Variants in EYA2 observed in about 807,000 individuals in gnomAD.
EYA2 encodes the protein EYA transcriptional coactivator and phosphatase 2, also known as protein phosphatase EYA2.
A neutral mutation model predicts 69.2 loss-of-function variants in EYA2; 31 were observed. The ratio of observed to expected loss-of-function variants is 0.45; its 90% CI spans 0.34 to 0.60. The LOEUF (loss-of-function observed/expected upper bound fraction) is 0.60, where lower values mean the gene tolerates loss of function less well. Ranked by LOEUF, EYA2 falls within the 20% of genes least tolerant of loss-of-function variation. The pLI is 0.02. For missense variants in EYA2, 622 were observed against 701.2 expected (o/e 0.89, Z 1.28); for synonymous variants, 257 against 279.4 (o/e 0.92, Z 0.80).
chr20:47,047,396 C>CTCTTTTTTTTT (rs1555816932), intron 5 of EYA2, among the ~76,000 whole-genome samples: 1 of 148,164 alleles, frequency 6.7e-6, no homozygotes, highest in Non-Finnish European at 1.5e-5. Context: ...CTCTCTCTCT[C>CTCTTTTTTTTT]TTTTTTTTGA....
intron 1 of EYA2, among the ~76,000 whole-genome samples, chr20:46,965,175 G>A (rs1600587965): frequency 1.3e-5 from 2 of 152,254 alleles, no homozygotes; most frequent in Admixed American, 6.5e-5. Flanking sequence ...AACTGAGCCC[G>A]ACCTTGGTGA....
chr20:46,911,875 C>T (rs559861967), intron 1 of EYA2, among the ~76,000 whole-genome samples: 31 of 147,904 alleles, frequency 2.1e-4, no homozygotes, highest in Non-Finnish European at 2.9e-4. Flanking sequence ...TTCAAAAGCA[C>T]AGTAGGGTGA....
chr20:47,134,145 G>A (rs1421723706), intron 9 of EYA2, among the ~76,000 whole-genome samples: 3 of 152,176 alleles, frequency 2.0e-5, no homozygotes, highest in African/African-American at 7.2e-5. Context: ...CAGCTAAATG[G>A]CTCTTCCCAA....
chr20:46,977,317 T>C (rs16992158), intron 1 of EYA2, among the ~76,000 whole-genome samples: 1,546 of 152,374 alleles, frequency 0.01, 19 homozygotes, highest in African/African-American at 0.035. Flanking sequence ...GTAACCAAAA[T>C]TCTATTTTAA....
intron 8 of EYA2, among the ~76,000 whole-genome samples, chr20:47,094,134 T>G (rs1350428981): frequency 6.6e-6 from 1 of 152,250 alleles, no homozygotes; most frequent in East Asian, 1.9e-4. Flanking sequence ...TCGAGGATGG[T>G]GAGGTAGTAG....
chr20:47,049,383 A>G (rs1260219900), intron 5 of EYA2, among the ~76,000 whole-genome samples: 2 of 152,172 alleles, frequency 1.3e-5, no homozygotes. Context: ...GGTCCCTGAT[A>G]TGGTTTGGGT....
At chr20:46,950,785 CA>C (rs1978748670) in intron 1 of EYA2, among the ~76,000 whole-genome samples, 1 of 152,142 alleles carries the variant, frequency 6.6e-6, no homozygotes. Flanking sequence ...TGTGGGTTCC[CA>C]AGAAGCTGAC....
At chr20:46,912,675 G>T (rs965142138) in intron 1 of EYA2, among the ~76,000 whole-genome samples, 41 of 147,052 alleles carry the variant, frequency 2.8e-4, no homozygotes, top group Admixed American at 2.4e-3. Flanking sequence ...GAACAGGGAA[G>T]AGGAATTTTT....
intron 5 of EYA2, among the ~76,000 whole-genome samples, chr20:47,030,971 C>T (rs1216699170): frequency 6.6e-6 from 1 of 151,536 alleles, no homozygotes; most frequent in Non-Finnish European, 1.5e-5. Flanking sequence ...CTCATTTAAT[C>T]TTCATTACTA....
chr20:47,013,660 T>C (rs1288149783), intron 4 of EYA2, among the ~76,000 whole-genome samples: 1 of 152,192 alleles, frequency 6.6e-6, no homozygotes, highest in Non-Finnish European at 1.5e-5. Context: ...AGCATATGGC[T>C]TGGGCAGAGG....
At chr20:46,961,421 G>A (rs935014501) in intron 1 of EYA2, among the ~76,000 whole-genome samples, 5 of 152,210 alleles carry the variant, frequency 3.3e-5, no homozygotes, top group African/African-American at 1.2e-4. Flanking sequence ...CACCCTGTTG[G>A]TGGGAATGTA....
chr20:47,038,963 A>G (rs1984876319), intron 5 of EYA2, among the ~76,000 whole-genome samples: 1 of 152,130 alleles, frequency 6.6e-6, no homozygotes, highest in Non-Finnish European at 1.5e-5. Flanking sequence ...GCCTTAGGAG[A>G]TGAACTTAGC....
intron 9 of EYA2, among the ~76,000 whole-genome samples, chr20:47,136,981 T>G (rs189870841): frequency 0.017 from 2,595 of 152,092 alleles, 107 homozygotes; most frequent in East Asian, 0.16. Context: ...TACCTTCGCC[T>G]CAAGAGAACC....
chr20:47,008,874 C>G (rs937293226), intron 4 of EYA2, among the ~76,000 whole-genome samples: 3 of 151,350 alleles, frequency 2.0e-5, no homozygotes, highest in African/African-American at 7.3e-5. Flanking sequence ...TAAATGAGAT[C>G]ATCTACACCA....
intron 5 of EYA2, among the ~76,000 whole-genome samples, chr20:47,031,080 A>G (rs1277914988): frequency 6.6e-6 from 1 of 152,216 alleles, no homozygotes; most frequent in Non-Finnish European, 1.5e-5. Context: ...CGCAGTGGGT[A>G]AGGAAATGAG....
chr20:47,171,467 A>G (rs991789727), intron 11 of EYA2, among the ~76,000 whole-genome samples: 36 of 152,176 alleles, frequency 2.4e-4, no homozygotes, highest in African/African-American at 8.4e-4. Context: ...GTTTTGTGCC[A>G]TGTTCTATTC....
intron 1 of EYA2, among the ~76,000 whole-genome samples, chr20:46,985,378 C>G (rs1274166292): frequency 6.6e-6 from 1 of 152,216 alleles, no homozygotes; most frequent in Non-Finnish European, 1.5e-5. Flanking sequence ...ACACCAGAAG[C>G]CTTAGTAGCA....
chr20:47,023,764 A>G (rs1355827920), intron 5 of EYA2, among the ~76,000 whole-genome samples: 1 of 149,694 alleles, frequency 6.7e-6, no homozygotes, highest in Non-Finnish European at 1.5e-5. Flanking sequence ...CAGCCACCTG[A>G]GTAGCTGGGC....
intron 10 of EYA2, among the ~76,000 whole-genome samples, chr20:47,152,845 C>G (rs1466815900): frequency 6.8e-6 from 1 of 146,412 alleles, no homozygotes; most frequent in African/African-American, 2.5e-5. Context: ...AAAAAAGAAA[C>G]TGGGGGTGGG....
Sources: gnomAD v4.1 joint callset for allele counts (sites outside exome capture counted in the v4.1 genomes callset) on GRCh38, gnomAD v4.1.1 for gene constraint, MANE v1.5 for transcripts, NCBI Gene and HGNC (gene_info 2026-07-23, HGNC 2026-07-21) for gene names.